The following DHCR7 variants were observed in gnomAD, a reference collection of about 807,000 sequenced individuals.
DHCR7 encodes 7-DHC reductase.
Under a neutral mutation model 43.3 loss-of-function variants are expected in DHCR7, and 40 were observed. That is an observed-to-expected ratio of 0.92 (90% CI 0.72 to 1.20). The LOEUF is 1.20. Ranked by LOEUF, DHCR7 falls within the 50% of genes most tolerant of loss-of-function variation. DHCR7 has a pLI of 0.00. For missense variants in DHCR7, 608 were observed against 644.6 expected (o/e 0.94, Z 0.62); for synonymous variants, 298 against 271.4 (o/e 1.10, Z -0.96).
chr11:71,437,301 G>A (rs939206238), intron 8 of DHCR7, among the ~76,000 whole-genome samples: 2 of 152,196 alleles, frequency 1.3e-5, no homozygotes, highest in African/African-American at 2.4e-5. Context: ...CTGTCCCCAG[G>A]GGGCTCGTTG....
intron 6 of DHCR7, among the ~76,000 whole-genome samples, chr11:71,439,516 G>A (rs1038703479): frequency 2.0e-5 from 3 of 152,236 alleles, no homozygotes; most frequent in Admixed American, 1.3e-4. Flanking sequence ...CGCAGGGCAC[G>A]TGGGCCCTCA....
At chr11:71,437,129 G>C (rs1274267833) in intron 8 of DHCR7, among the ~76,000 whole-genome samples, 1 of 152,146 alleles carries the variant, frequency 6.6e-6, no homozygotes, top group African/African-American at 2.4e-5. Flanking sequence ...CAGGACACCC[G>C]CACCTCCATC....
chr11:71,438,168 C>G (rs772379864), intron 7 of DHCR7, among the ~76,000 whole-genome samples: 2 of 152,124 alleles, frequency 1.3e-5, no homozygotes, highest in Non-Finnish European at 1.5e-5. Context: ...AGCCCATGGC[C>G]CTGGCATCTC....
rs540098203 is a variant in DHCR7, at chr11:71,444,164, G to A, written c.150C>T (p.Ala50=). Reference sequence around the variant, plus strand: ...TGATGAAGTAGTAGACGATGAAGGGGGCGAACAGCAGTAGGAAGATGACGC... The same window carrying A: ...TGATGAAGTAGTAGACGATGAAGGGAGCGAACAGCAGTAGGAAGATGACGC... ...LASVIFLLLF[A]PFIVYYFIMA... The change falls in exon 4 of 9, where the codon GCC becomes GCT. Residue 50 remains alanine, a synonymous_variant. Coordinates refer to ENST00000355527, the MANE Select transcript of DHCR7 (RefSeq NM_001360.3). 6 of 1,609,352 alleles carry A rather than the reference G, an allele frequency of 3.7e-6. No individual in the cohort carries two copies. The South Asian group carries it at 6.6e-5, about 18-fold the overall frequency.
At chr11:71,443,937 C>G (rs1321650817) in intron 4 of DHCR7, 56 bp downstream of exon 4, 3 of 1,419,758 alleles carry the variant, frequency 2.1e-6, no homozygotes, top group Non-Finnish European at 2.9e-6. Flanking sequence ...ACTACCCCAG[C>G]AGGAGGGCAC....
intron 2 of DHCR7, 39 bp from the exon 3 acceptor site, chr11:71,444,997 T>A (rs1949391609): frequency 1.3e-6 from 2 of 1,560,622 alleles, no homozygotes; most frequent in African/African-American, 1.4e-5. Flanking sequence ...ATCCCTCAAA[T>A]AACAGACACC....
Position 71,435,278 on chromosome 11 carries a change from CTG to C in DHCR7, c.*95_*96del. ...TCTCTCCAGTTTACAGATGAGGAAA[CTG>C]AGGCTCCTCGAGTTGGAGCTGGGAT... On this transcript the variant is annotated 3_prime_UTR_variant, in exon 9 of 9. Coordinates refer to ENST00000355527, the MANE Select transcript of DHCR7 (RefSeq NM_001360.3). 1 of 1,311,242 alleles carries C rather than the reference CTG, an allele frequency of 7.6e-7. No homozygotes were observed. Among genetic ancestry groups the C allele is most frequent in the Non-Finnish European group, 1.1e-6 (1 of 917,496 alleles). 81.2% of individuals were successfully genotyped at this position (1,311,242 alleles called of 1,614,324 possible).
At chr11:71,439,927 C>T (rs942888126) in intron 6 of DHCR7, among the ~76,000 whole-genome samples, 8 of 152,194 alleles carry the variant, frequency 5.3e-5, no homozygotes, top group African/African-American at 1.9e-4. Flanking sequence ...TAGGTGTAAA[C>T]CACACTGGGG....
chr11:71,428,096 C>T (rs529497848), downstream of DHCR7: 160 of 152,290 alleles, frequency 1.1e-3, no homozygotes, highest in African/African-American at 3.8e-3. Context: ...GTTGTGTTAA[C>T]TCTTTCCTTC....
downstream of DHCR7, among the ~76,000 whole-genome samples, chr11:71,429,666 G>T (rs1171636655): frequency 6.6e-6 from 1 of 152,172 alleles, no homozygotes; most frequent in Non-Finnish European, 1.5e-5. Context: ...TTCAGATGCT[G>T]AGTGAGGTGT....
chr11:71,429,621 T>A (rs115309050), downstream of DHCR7, among the ~76,000 whole-genome samples: 1,855 of 151,978 alleles, frequency 0.012, 40 homozygotes, highest in African/African-American at 0.043. Context: ...TGGGAAAAGG[T>A]CAGTACTGAT....
At chr11:71,438,845 T>C in intron 7 of DHCR7, 34 bp downstream of exon 7, 1 of 1,608,106 alleles carries the variant, frequency 6.2e-7, no homozygotes, top group Non-Finnish European at 8.5e-7. Flanking sequence ...CCTGCCGGCA[T>C]CGGCGTTTCA....
chr11:71,447,089 A>G (rs1949412998), intron 2 of DHCR7, among the ~76,000 whole-genome samples: 2 of 152,178 alleles, frequency 1.3e-5, no homozygotes, highest in African/African-American at 4.8e-5. Context: ...TAGTTCCCAC[A>G]CTGACTGGTG....
At chr11:71,439,661 G>A (rs1433876194) in intron 6 of DHCR7, among the ~76,000 whole-genome samples, 1 of 152,216 alleles carries the variant, frequency 6.6e-6, no homozygotes, top group Non-Finnish European at 1.5e-5. Flanking sequence ...CAGAGCATCA[G>A]CCGAGATAAC....
downstream of DHCR7, among the ~76,000 whole-genome samples, chr11:71,430,377 GAGCAAGCTCCATGC>G (rs927653283): frequency 6.6e-6 from 1 of 152,250 alleles, no homozygotes; most frequent in Non-Finnish European, 1.5e-5. Flanking sequence ...GCAGACACAG[GAGCAAGCTCCATGC>G]AGGACCCGTG....
Position 71,435,045 on chromosome 11 carries a change from T to C in DHCR7, c.*330A>G. The C allele has an allele frequency of 1.9e-6, 1 of 535,958 alleles. No individual in the cohort carries two copies. The highest frequency in any genetic ancestry group is 1.5e-5 in the South Asian group (1 of 64,918). The allele number at this position is 535,958 out of a possible 1,614,324, so 33.2% of individuals were successfully genotyped here. A position where few individuals can be genotyped will look rare whatever the true frequency, so the allele number is the denominator to read the frequency against. On this transcript the variant is annotated 3_prime_UTR_variant, in exon 9 of 9. Coordinates refer to ENST00000355527, the MANE Select transcript of DHCR7 (RefSeq NM_001360.3). The stretch of plus-strand genomic sequence containing the variant: ...CTCCTGCTCACCAGTGTGGGCAGAG[T>C]GTAGCGTGGCCTGGGCTCCTAATAC...
At chr11:71,428,420 TG>T (rs1949211424) in exon 3 of DHCR7, 1 of 153,606 alleles carries the variant, frequency 6.5e-6, no homozygotes. Context: ...CATCATCAGT[TG>T]ACTGTCCTAT....
At chr11:71,446,887 G>C (rs550381721) in intron 2 of DHCR7, among the ~76,000 whole-genome samples, 6 of 152,188 alleles carry the variant, frequency 3.9e-5, no homozygotes, top group Non-Finnish European at 8.8e-5. Context: ...TAAAATCAAA[G>C]TGGATGAAAG....
intron 2 of DHCR7, among the ~76,000 whole-genome samples, chr11:71,446,396 G>A (rs1031165121): frequency 6.6e-6 from 1 of 151,688 alleles, no homozygotes; most frequent in African/African-American, 2.4e-5. Context: ...TGGTAATTTT[G>A]TCATAACAAT....
Sources: gnomAD v4.1 joint callset for allele counts (sites outside exome capture counted in the v4.1 genomes callset) on GRCh38, gnomAD v4.1.1 for gene constraint, MANE v1.5 for transcripts, NCBI Gene and HGNC (gene_info 2026-07-23, HGNC 2026-07-21) for gene names.